The following SCGN variants were observed in gnomAD, a reference collection of about 807,000 sequenced individuals.
SCGN encodes the protein secretagogin, EF-hand calcium binding protein, also known as secretagogin.
A neutral mutation model predicts 39.7 loss-of-function variants in SCGN; 30 were observed. The ratio of observed to expected loss-of-function variants is 0.76; its 90% CI spans 0.57 to 1.03. SCGN has a LOEUF of 1.03. Among genes scored for constraint, SCGN ranks in the 50% least tolerant of loss-of-function variants. The pLI is 0.00. For missense variants in SCGN, 353 were observed against 349.4 expected, an observed-to-expected ratio of 1.01 and a Z score of -0.08; for synonymous variants, 106 against 114.1, an observed-to-expected ratio of 0.93 and a Z score of 0.45.
chr6:25,701,091 T>G, intron 10 of SCGN, 116 bp from the exon 11 acceptor site: 1 of 1,150,290 alleles, frequency 8.7e-7, no homozygotes, highest in Non-Finnish European at 1.2e-6. Context: ...CCTCACTCCC[T>G]GTGGCCTGTC....
chr6:25,667,334 C>G (rs1760439905), intron 4 of SCGN, among the ~76,000 whole-genome samples: 1 of 152,010 alleles, frequency 6.6e-6, no homozygotes, highest in Non-Finnish European at 1.5e-5. Context: ...AAGAGCTTTC[C>G]CTTTCTGTAC....
intron 10 of SCGN, among the ~76,000 whole-genome samples, chr6:25,698,035 A>T (rs779831658): frequency 2.0e-5 from 3 of 152,196 alleles, no homozygotes; most frequent in Non-Finnish European, 2.9e-5. Context: ...TAGAGCTCTT[A>T]CCTCAGGAAC....
intron 6 of SCGN, among the ~76,000 whole-genome samples, chr6:25,671,319 C>T (rs780272441): frequency 3.3e-5 from 5 of 152,196 alleles, no homozygotes; most frequent in Admixed American, 6.5e-5. Context: ...TAAGAAAAAG[C>T]GTTCCATAGC....
intron 7 of SCGN, among the ~76,000 whole-genome samples, chr6:25,684,327 T>A (rs778515313): frequency 1.2e-4 from 19 of 152,174 alleles, no homozygotes; most frequent in Non-Finnish European, 2.2e-4. Context: ...CTTCCCTAAG[T>A]ATCCTCTGGG....
chr6:25,658,197 G>A (rs112536209), intron 2 of SCGN, among the ~76,000 whole-genome samples: 3,502 of 151,028 alleles, frequency 0.023, 109 homozygotes, highest in African/African-American at 0.069. Context: ...GTGCCACCAC[G>A]GATGGCTAAT....
chr6:25,653,714 A>C (rs188667161), intron 2 of SCGN, among the ~76,000 whole-genome samples: 6 of 152,312 alleles, frequency 3.9e-5, no homozygotes, highest in Non-Finnish European at 5.9e-5. Context: ...GACTCAGTTA[A>C]CTTGGTCTTG....
chr6:25,666,495 T>C (rs190516133), intron 4 of SCGN, among the ~76,000 whole-genome samples: 209 of 152,350 alleles, frequency 1.4e-3, no homozygotes, highest in African/African-American at 4.0e-3. Context: ...CATAAATGTC[T>C]AACAATAATG....
intron 3 of SCGN, among the ~76,000 whole-genome samples, chr6:25,664,122 C>T (rs1357474793): frequency 6.6e-6 from 1 of 152,162 alleles, no homozygotes; most frequent in Non-Finnish European, 1.5e-5. Context: ...TAACTTTGTT[C>T]AAGGGAGTGC....
intron 6 of SCGN, among the ~76,000 whole-genome samples, chr6:25,676,811 G>A (rs1228158276): frequency 1.3e-5 from 2 of 152,018 alleles, no homozygotes; most frequent in African/African-American, 2.4e-5. Context: ...TCAGCTCCAT[G>A]AGAGCATGAA....
intron 4 of SCGN, among the ~76,000 whole-genome samples, chr6:25,668,438 A>G (rs1759428757): frequency 6.6e-6 from 1 of 152,218 alleles, no homozygotes; most frequent in Non-Finnish European, 1.5e-5. Context: ...CACTAATAAG[A>G]GGAGTAGCTT....
chr6:25,685,275 A>G lies in SCGN; in HGVS notation c.527+3269A>G, dbSNP rs529755746. Among the ~76,000 whole-genome samples, 375 of 152,366 alleles carry G rather than the reference A, an allele frequency of 2.5e-3. 2 individuals carry two copies. The highest frequency in any genetic ancestry group is 0.01 in the Middle Eastern group (3 of 294). ...TGTGGCAGTGTGTCGCAGCAGCACT[A>G]GGAAACTAATACAACAACAAAGAGG... is the stretch of plus-strand genomic sequence containing the variant. On this transcript the variant is annotated intron_variant, in intron 7 of 10. Coordinates refer to ENST00000377961, the MANE Select transcript of SCGN (RefSeq NM_006998.4).
At chr6:25,667,500 C>T (rs1386690050) in intron 4 of SCGN, among the ~76,000 whole-genome samples, 1 of 152,148 alleles carries the variant, frequency 6.6e-6, no homozygotes, top group Non-Finnish European at 1.5e-5. Context: ...AACTCTTACC[C>T]ACCAGCTCAT....
chr6:25,693,258 T>G (rs1159686949), intron 10 of SCGN, among the ~76,000 whole-genome samples: 1 of 152,036 alleles, frequency 6.6e-6, no homozygotes, highest in Non-Finnish European at 1.5e-5. Flanking sequence ...GAGACCATCC[T>G]GGCTAACGCG....
chr6:25,663,216 C>T (rs1170595721), intron 3 of SCGN, among the ~76,000 whole-genome samples: 1 of 152,186 alleles, frequency 6.6e-6, no homozygotes, highest in African/African-American at 2.4e-5. Context: ...ATTTCACTTA[C>T]TCCAATTACA....
intron 3 of SCGN, among the ~76,000 whole-genome samples, chr6:25,662,645 A>T (rs1321247): frequency 0.064 from 9,793 of 152,300 alleles, 434 homozygotes; most frequent in Non-Finnish European, 0.094. Flanking sequence ...ATGTCCCTTT[A>T]TAAAAAGTGG....
At chr6:25,674,552 G>A (rs550218516) in intron 6 of SCGN, among the ~76,000 whole-genome samples, 2 of 152,304 alleles carry the variant, frequency 1.3e-5, no homozygotes, top group South Asian at 4.1e-4. Context: ...ATTGAGCAAT[G>A]GACATAGTCA....
At chr6:25,690,493 A>G (rs963666434) in intron 9 of SCGN, among the ~76,000 whole-genome samples, 1 of 152,218 alleles carries the variant, frequency 6.6e-6, no homozygotes, top group Non-Finnish European at 1.5e-5. Context: ...GTGGAACTTT[A>G]GAGAAGAAAC....
chr6:25,688,675 G>A (rs1360325813), intron 7 of SCGN, among the ~76,000 whole-genome samples: 2 of 151,946 alleles, frequency 1.3e-5, no homozygotes, highest in Admixed American at 6.6e-5. Context: ...GGTGGCGGGC[G>A]CCTGTAGTCC....
chr6:25,689,218 G>GT lies in SCGN; in HGVS notation c.573+2dup. Reference sequence around the variant, plus strand: ...CTTCCTTCTCCAATTTAAAATGGATGTAAGTAGTGACATTTCTCTAGATGG... The same window carrying GT: ...CTTCCTTCTCCAATTTAAAATGGATGTTAAGTAGTGACATTTCTCTAGATGG... On this transcript the variant is annotated splice_donor_variant, in intron 8 of 10. Transcript: ENST00000377961. LOFTEE classifies it high-confidence loss of function. 1.3e-6 allele frequency: 2 copies of GT among 1,585,448 alleles called. No homozygotes were observed. Among genetic ancestry groups the GT allele is most frequent in the Non-Finnish European group, 1.7e-6 (2 of 1,158,172 alleles).
Sources: allele counts gnomAD v4.1 joint callset (sites outside exome capture counted in the v4.1 genomes callset), GRCh38; gene constraint gnomAD v4.1.1; transcripts MANE v1.5; gene names NCBI Gene and HGNC (gene_info 2026-07-23, HGNC 2026-07-21).